NCEH1: variants seen among roughly 807,000 people sequenced by gnomAD.
The protein encoded by NCEH1 is neutral cholesterol ester hydrolase 1, also known as 2-acetyl MAGE hydrolase.
In NCEH1, 9 loss-of-function variants were observed where a neutral mutation model predicts 25.4. The observed-to-expected ratio is 0.35, with a 90% CI of 0.21 to 0.62. The LOEUF is 0.62. NCEH1 is among the 20% of genes least tolerant of loss of function. The pLI is 0.72. For missense variants in NCEH1, 412 were observed against 501.1 expected (o/e 0.82, Z 1.70); for synonymous variants, 200 against 199.8 (o/e 1.00, Z -0.01).
At chr3:172,694,661 G>A (rs1476810173) in intron 1 of NCEH1, among the ~76,000 whole-genome samples, 1 of 152,182 alleles carries the variant, frequency 6.6e-6, no homozygotes, top group African/African-American at 2.4e-5. Context: ...GTGGGGCCCT[G>A]ACAGGCCCAT....
chr3:172,687,377 T>G (rs1463916575), intron 1 of NCEH1, among the ~76,000 whole-genome samples: 1 of 152,254 alleles, frequency 6.6e-6, no homozygotes, highest in East Asian at 1.9e-4. Flanking sequence ...TCTAGGCTTA[T>G]GTTCCTGATT....
intron 1 of NCEH1, among the ~76,000 whole-genome samples, chr3:172,649,293 A>G (rs1717285114): frequency 6.6e-6 from 1 of 152,342 alleles, no homozygotes; most frequent in South Asian, 2.1e-4. Flanking sequence ...GAAAAGAGTT[A>G]GAAAGCACTA....
intron 1 of NCEH1, among the ~76,000 whole-genome samples, chr3:172,686,191 TG>T (rs1344770968): frequency 3.3e-5 from 5 of 152,236 alleles, no homozygotes; most frequent in African/African-American, 1.2e-4. Flanking sequence ...CTAGCCCCCT[TG>T]TTTTACAGAT....
chr3:172,640,504 AT>A (rs35144303), intron 3 of NCEH1, among the ~76,000 whole-genome samples: 1 of 151,300 alleles, frequency 6.6e-6, no homozygotes, highest in African/African-American at 2.4e-5. Context: ...TTATTTATTT[AT>A]TTTATTTATT....
intron 1 of NCEH1, among the ~76,000 whole-genome samples, chr3:172,705,899 G>A (rs557718973): frequency 3.3e-5 from 5 of 151,344 alleles, no homozygotes; most frequent in Admixed American, 6.6e-5. Context: ...TCAGGAGGCT[G>A]AGGCACGAGA....
intron 1 of NCEH1, among the ~76,000 whole-genome samples, chr3:172,705,170 T>G (rs1322431956): frequency 6.6e-6 from 1 of 152,228 alleles, no homozygotes; most frequent in South Asian, 2.1e-4. Flanking sequence ...TTTTGAAAGA[T>G]ATTTTTTGTA....
At chr3:172,701,950 CCAGCCAGTCT>C (rs1343901542) in intron 1 of NCEH1, among the ~76,000 whole-genome samples, 1 of 152,168 alleles carries the variant, frequency 6.6e-6, no homozygotes, top group African/African-American at 2.4e-5. Flanking sequence ...ACTTTAAGCT[CCAGCCAGTCT>C]AAACCACTTG....
At chr3:172,682,769 T>G (rs886537007) in intron 1 of NCEH1, among the ~76,000 whole-genome samples, 1 of 152,206 alleles carries the variant, frequency 6.6e-6, no homozygotes, top group African/African-American at 2.4e-5. Context: ...GTAGGTAGCA[T>G]TTGAGAAGTA....
At chr3:172,651,644 C>T (rs531673430) in intron 1 of NCEH1, among the ~76,000 whole-genome samples, 47 of 148,940 alleles carry the variant, frequency 3.2e-4, no homozygotes, top group Middle Eastern at 3.5e-3. Context: ...CTGAAACCTC[C>T]GCCTCCCAGA....
chr3:172,711,064 C>G lies in NCEH1; in HGVS notation c.-80G>C. On this transcript the variant is annotated 5_prime_UTR_variant, in exon 1 of 5. Transcript: ENST00000475381. ...CCGGAGACCTCCGGCAACTTTCTGCCCGCGGCAGCTGCTCATTCACGCGTT... is the reference window on the plus strand; with the variant it reads ...CCGGAGACCTCCGGCAACTTTCTGCGCGCGGCAGCTGCTCATTCACGCGTT... The G allele has an allele frequency of 6.2e-7, 1 of 1,608,570 alleles. No homozygotes were observed.
At chr3:172,651,148 T>C (rs999201628) in intron 1 of NCEH1, among the ~76,000 whole-genome samples, 7 of 152,160 alleles carry the variant, frequency 4.6e-5, no homozygotes, top group Non-Finnish European at 8.8e-5. Flanking sequence ...GGTACTATTA[T>C]CTTGCTTACA....
chr3:172,686,506 G>C (rs1182815986), intron 1 of NCEH1, among the ~76,000 whole-genome samples: 1 of 152,174 alleles, frequency 6.6e-6, no homozygotes, highest in East Asian at 1.9e-4. Flanking sequence ...ACGTCCAATT[G>C]TATAGGACAT....
intron 1 of NCEH1, among the ~76,000 whole-genome samples, chr3:172,685,302 G>C (rs116238042): frequency 5.3e-5 from 8 of 152,118 alleles, no homozygotes; most frequent in Non-Finnish European, 4.4e-5. Flanking sequence ...CAACAAAAAA[G>C]AGCCCATCTT....
At chr3:172,675,468 T>C (rs1335011015) in intron 1 of NCEH1, among the ~76,000 whole-genome samples, 2 of 151,612 alleles carry the variant, frequency 1.3e-5, no homozygotes, top group African/African-American at 4.8e-5. Context: ...TTTTGTATGG[T>C]AAATACTTGT....
chr3:172,651,750 G>C (rs1206332997), intron 1 of NCEH1, among the ~76,000 whole-genome samples: 1 of 152,016 alleles, frequency 6.6e-6, no homozygotes, highest in Non-Finnish European at 1.5e-5. Context: ...GTAGAGACAG[G>C]GTTTTGCCAC....
At chr3:172,701,549 A>T (rs1382619700) in intron 1 of NCEH1, among the ~76,000 whole-genome samples, 1 of 146,292 alleles carries the variant, frequency 6.8e-6, no homozygotes, top group African/African-American at 2.6e-5. Flanking sequence ...TCCCAGATTC[A>T]AGGGATTCTC....
intron 1 of NCEH1, among the ~76,000 whole-genome samples, chr3:172,669,150 C>T (rs1718365201): frequency 6.6e-6 from 1 of 152,270 alleles, no homozygotes; most frequent in East Asian, 1.9e-4. Flanking sequence ...GAATTAACAC[C>T]AACGTTTTGA....
In NCEH1 at chr3:172,645,610, A is replaced by T. The variant is rs574676652; in HGVS notation, c.437+13T>A. The T allele has an allele frequency of 6.4e-7, 1 of 1,560,282 alleles. No homozygotes were observed. The highest frequency in any genetic ancestry group is 8.8e-7 in the Non-Finnish European group (1 of 1,137,930). ...ATAAGAAAAATTTTCTATGACTAGC[A>T]TTAATTACTTACTCAATGGAAACAA... On this transcript the variant is annotated intron_variant, in intron 3 of 4. Transcript: ENST00000475381.
intron 1 of NCEH1, among the ~76,000 whole-genome samples, chr3:172,699,545 T>C (rs1339840150): frequency 6.6e-6 from 1 of 152,172 alleles, no homozygotes; most frequent in Non-Finnish European, 1.5e-5. Context: ...CCGTCCAGGT[T>C]TGACTGAGAA....
Sources: allele counts gnomAD v4.1 joint callset (sites outside exome capture counted in the v4.1 genomes callset), GRCh38; gene constraint gnomAD v4.1.1; transcripts MANE v1.5; gene names NCBI Gene and HGNC (gene_info 2026-07-23, HGNC 2026-07-21).